SCML4: variants seen among roughly 807,000 people sequenced by gnomAD.
SCML4 encodes the protein sex comb on midleg-like protein 4.
SCML4 carries 34 observed loss-of-function variants against 41.1 expected under a neutral mutation model. The ratio of observed to expected loss-of-function variants is 0.83; its 90% CI spans 0.63 to 1.10. SCML4 has a LOEUF of 1.10. Ranked by LOEUF, SCML4 falls within the 50% of genes least tolerant of loss-of-function variation. The pLI, the probability that SCML4 is intolerant of heterozygous loss-of-function variation, is 0.00. For synonymous variants in SCML4, 214 were observed against 220.9 expected (o/e 0.97, Z 0.28); for missense variants, 522 against 534.1 (o/e 0.98, Z 0.22).
chr6:107,744,831 AT>A, intron 5 of SCML4, 117 bp downstream of exon 5: 1 of 848,102 alleles, frequency 1.2e-6, no homozygotes, highest in Non-Finnish European at 1.8e-6. Flanking sequence ...CAGGCAGCCC[AT>A]GGGGCTCCAG....
intron 3 of SCML4, among the ~76,000 whole-genome samples, chr6:107,749,283 C>T (rs925147826): frequency 1.3e-5 from 2 of 152,048 alleles, no homozygotes; most frequent in Admixed American, 6.5e-5. Flanking sequence ...AGACTGAGGG[C>T]GAATGGGATC....
At position 107,822,368 on chromosome 6, in the gene SCML4, G is replaced by A. The variant is rs542432133; in HGVS notation, c.-60+1758C>T. Among the ~76,000 whole-genome samples the A allele has an allele frequency of 5.3e-5, 8 of 152,186 alleles. No individual in the cohort carries two copies. The East Asian group carries it at 1.4e-3, about 26-fold the overall frequency. On this transcript the variant is annotated intron_variant, in intron 1 of 7. Coordinates refer to ENST00000369020, the MANE Select transcript of SCML4 (RefSeq NM_198081.5). Reference sequence around the variant, plus strand: ...CCCCAGGAGTCAAGAACCAGAAAGTGAAACTGCTTCTGCTGATTTCCCTCG... The same window carrying A: ...CCCCAGGAGTCAAGAACCAGAAAGTAAAACTGCTTCTGCTGATTTCCCTCG...
chr6:107,733,140 G>A (rs553484880), intron 5 of SCML4, among the ~76,000 whole-genome samples: 8 of 152,330 alleles, frequency 5.3e-5, no homozygotes, highest in Admixed American at 2.6e-4. Flanking sequence ...TTCAGAACCA[G>A]AAGGCCTGTG....
rs1440423056 is a variant in SCML4 at position 107,746,839 on chromosome 6, T to G, written c.337A>C (p.Lys113Gln). 1.2e-6 allele frequency: 2 copies of G among 1,614,002 alleles called. No homozygotes were observed. Among genetic ancestry groups the G allele is most frequent in the Non-Finnish European group, 1.7e-6 (2 of 1,179,972 alleles). ...QANAGPYLER[K>Q]KVQQLPEHFG... is the part of the protein sequence containing the mutation. Reference sequence around the variant, plus strand: ...TGCTCCGGGAGCTGCTGCACCTTCTTCCTCTCCAGATAGGGCCCCGCATTG... The same window carrying G: ...TGCTCCGGGAGCTGCTGCACCTTCTGCCTCTCCAGATAGGGCCCCGCATTG... Residue 113 changes from lysine (K) to glutamine (Q), a missense_variant, in exon 4 of 8, where the codon AAG becomes CAG. Lys to Gln is a moderately conservative substitution (Grantham distance 53). Transcript: ENST00000369020.
chr6:107,839,192 T>C, the SCML4 span, among the ~76,000 whole-genome samples: 1 of 150,770 alleles, frequency 6.6e-6, no homozygotes, highest in African/African-American at 2.4e-5. Flanking sequence ...ATTCGGGAGG[T>C]TGAAGAAGGA....
chr6:107,788,650 AGCT>A (rs1408223664), intron 1 of SCML4, among the ~76,000 whole-genome samples: 4 of 152,250 alleles, frequency 2.6e-5, no homozygotes, highest in African/African-American at 9.6e-5. Flanking sequence ...ATGGGGGTGA[AGCT>A]GCTACCAACA....
intron 6 of SCML4, among the ~76,000 whole-genome samples, chr6:107,712,248 T>C (rs1774293491): frequency 6.6e-6 from 1 of 152,208 alleles, no homozygotes; most frequent in Non-Finnish European, 1.5e-5. Context: ...TGGAAGTCTT[T>C]AGTGCCAAGA....
intron 5 of SCML4, among the ~76,000 whole-genome samples, chr6:107,735,619 C>G (rs1776989603): frequency 6.6e-6 from 1 of 151,642 alleles, no homozygotes; most frequent in African/African-American, 2.4e-5. Context: ...ACCAACATGG[C>G]AAAACTCCAT....
intron 2 of SCML4, among the ~76,000 whole-genome samples, chr6:107,759,635 A>G (rs1399077391): frequency 6.6e-6 from 1 of 152,192 alleles, no homozygotes; most frequent in African/African-American, 2.4e-5. Flanking sequence ...GTTAGTTATA[A>G]AACACTAGCA....
chr6:107,755,120 A>G (rs1471655550), intron 2 of SCML4, among the ~76,000 whole-genome samples: 1 of 151,826 alleles, frequency 6.6e-6, no homozygotes, highest in African/African-American at 2.4e-5. Context: ...AAAAAAAATT[A>G]CTAGAGAGGA....
At chr6:107,784,956 C>G (rs1235789632) in intron 1 of SCML4, among the ~76,000 whole-genome samples, 3 of 152,144 alleles carry the variant, frequency 2.0e-5, no homozygotes, top group Non-Finnish European at 4.4e-5. Flanking sequence ...TGCTAGTGGA[C>G]ATGACCCTGG....
At chr6:107,717,299 A>G (rs962202743) in intron 6 of SCML4, among the ~76,000 whole-genome samples, 1 of 151,570 alleles carries the variant, frequency 6.6e-6, no homozygotes, top group African/African-American at 2.4e-5. Context: ...TCAAAAAAAA[A>G]AAAAAAAAGG....
At chr6:107,767,565 A>C (rs184109950) in intron 2 of SCML4, among the ~76,000 whole-genome samples, 32 of 152,362 alleles carry the variant, frequency 2.1e-4, no homozygotes, top group African/African-American at 7.5e-4. Context: ...GAAGGATTAC[A>C]AAACATTGCA....
Position 107,705,017 on chromosome 6 carries a change from G to T in SCML4, c.*183C>A, listed in dbSNP as rs114924838. On this transcript the variant is annotated 3_prime_UTR_variant, in exon 8 of 8. Coordinates refer to ENST00000369020, the MANE Select transcript of SCML4 (RefSeq NM_198081.5). ...AATTATGAACACAGAGGAGCCTCTCGAAAAGGTCCATGTTAAATTCTTCAA... is the reference window on the plus strand; with the variant it reads ...AATTATGAACACAGAGGAGCCTCTCTAAAAGGTCCATGTTAAATTCTTCAA... 1,302 of 674,366 alleles carry T rather than the reference G, an allele frequency of 1.9e-3. 10 individuals are homozygous for T. In the African/African-American group the frequency reaches 0.022, roughly 11 times the overall value. 41.8% of individuals were successfully genotyped at this position (674,366 alleles called of 1,614,324 possible).
chr6:107,839,969 A>G, the SCML4 span, among the ~76,000 whole-genome samples: 6 of 152,220 alleles, frequency 3.9e-5, no homozygotes, highest in Admixed American at 2.0e-4. Context: ...AATAAAAATT[A>G]TAAACACAAT....
intron 2 of SCML4, among the ~76,000 whole-genome samples, chr6:107,751,784 C>A (rs896636206): frequency 3.3e-5 from 5 of 151,932 alleles, no homozygotes; most frequent in Middle Eastern, 3.4e-3. Context: ...TACAGGTGCC[C>A]GCCACCACGC....
intron 1 of SCML4, among the ~76,000 whole-genome samples, chr6:107,813,415 TATATATATAA>T (rs201172399): frequency 0.075 from 1,501 of 20,060 alleles, 145 homozygotes; most frequent in East Asian, 0.27. Flanking sequence ...TATATATATA[TATATATATAA>T]AACTGTAAAA....
chr6:107,759,091 T>C (rs897917830), intron 2 of SCML4, among the ~76,000 whole-genome samples: 6 of 132,644 alleles, frequency 4.5e-5, no homozygotes, highest in African/African-American at 1.5e-4. Flanking sequence ...GTTCAAGACC[T>C]GTCTGGACAA....
intron 6 of SCML4, among the ~76,000 whole-genome samples, chr6:107,716,750 T>C (rs1024581567): frequency 4.6e-5 from 7 of 152,196 alleles, no homozygotes; most frequent in Non-Finnish European, 1.0e-4. Flanking sequence ...AGCCCTAACT[T>C]CCATCTGGAA....
Sources: allele counts gnomAD v4.1 joint callset (sites outside exome capture counted in the v4.1 genomes callset), GRCh38; gene constraint gnomAD v4.1.1; transcripts MANE v1.5; gene names NCBI Gene and HGNC (gene_info 2026-07-23, HGNC 2026-07-21).